The following NDST3 variants were observed in gnomAD, a reference collection of about 807,000 sequenced individuals.
NDST3 encodes bifunctional heparan sulfate N-deacetylase/N-sulfotransferase 3.
A neutral mutation model predicts 96.1 loss-of-function variants in NDST3; 58 were observed. The observed-to-expected ratio is 0.60, with a 90% CI of 0.49 to 0.75. The LOEUF is 0.75. NDST3 is among the 30% of genes least tolerant of loss of function. NDST3 has a pLI of 0.00. For missense variants in NDST3, 788 were observed against 1,034.2 expected (o/e 0.76, Z 3.27); for synonymous variants, 333 against 359.7 (o/e 0.93, Z 0.84).
At chr4:118,051,905 T>C (rs1302749212) in intron 1 of NDST3, among the ~76,000 whole-genome samples, 1 of 151,950 alleles carries the variant, frequency 6.6e-6, no homozygotes, top group Non-Finnish European at 1.5e-5. Context: ...TGAGGCTGCA[T>C]AGAAAAGGGA....
rs187977271 is a variant in NDST3, at chr4:118,108,083, T to A, written c.1069+2978T>A. Among the ~76,000 whole-genome samples, 8 of 152,296 alleles carry A rather than the reference T, an allele frequency of 5.3e-5. No homozygotes were observed. The East Asian group carries it at 1.4e-3, about 26-fold the overall frequency. ...AACTTAATGCAGGGTAACTTCCATTTATAAAACCATAAAATCTCGTGAGAC... is the reference window on the plus strand; with the variant it reads ...AACTTAATGCAGGGTAACTTCCATTAATAAAACCATAAAATCTCGTGAGAC... On this transcript the variant is annotated intron_variant, in intron 3 of 13. Coordinates refer to ENST00000296499, the MANE Select transcript of NDST3 (RefSeq NM_004784.3).
At chr4:118,151,145 C>T (rs1303437883) in intron 6 of NDST3, among the ~76,000 whole-genome samples, 2 of 152,024 alleles carry the variant, frequency 1.3e-5, no homozygotes, top group Admixed American at 6.6e-5. Context: ...GAACAAAAAA[C>T]CAAACACCGC....
At chr4:118,160,846 G>A (rs28882407) in intron 6 of NDST3, among the ~76,000 whole-genome samples, 5,429 of 151,970 alleles carry the variant, frequency 0.036, 140 homozygotes, top group African/African-American at 0.073. Context: ...TAGTTTGATC[G>A]TCTGAAGCCT....
intron 6 of NDST3, among the ~76,000 whole-genome samples, chr4:118,153,429 C>T (rs937873999): frequency 2.0e-5 from 3 of 151,982 alleles, no homozygotes; most frequent in Non-Finnish European, 4.4e-5. Context: ...GCGGAGTGGC[C>T]AGTAGCAAAA....
In NDST3 at chr4:118,258,532, A is replaced by C. The variant is rs1185523591; in HGVS notation, c.*2820A>C. The C allele has an allele frequency of 6.6e-6, 1 of 152,190 alleles. No homozygotes were observed. The highest frequency in any genetic ancestry group is 1.5e-5 in the Non-Finnish European group (1 of 68,032). The allele number at this position is 152,190 out of a possible 1,614,324, so 9.4% of individuals were successfully genotyped here. ...ATTCACATTGAATGAAAATTACTGG[A>C]AACATTTTTTTCTCTGAGTTTTTTA... On this transcript the variant is annotated 3_prime_UTR_variant, in exon 14 of 14. Coordinates refer to ENST00000296499, the MANE Select transcript of NDST3 (RefSeq NM_004784.3).
In NDST3 at chr4:118,054,828, T is replaced by C. The variant is rs369201832; in HGVS notation, c.918T>C (p.Leu306=). The C allele has an allele frequency of 1.4e-5, 22 of 1,612,894 alleles. No homozygotes were observed. The highest frequency in any genetic ancestry group is 1.9e-5 in the Non-Finnish European group (22 of 1,179,278). Residue 306 remains leucine, a synonymous_variant, in exon 2 of 14, where the codon CTT becomes CTC. Transcript: ENST00000296499. ...RLTLSLDRYI[L]VDIDDIFVGK... ...CATTGTCCTTGGACAGGTACATTCT[T>C]GTGGATATTGATGATATATTTGTGG...
chr4:118,090,925 C>T (rs1398848485), intron 2 of NDST3, among the ~76,000 whole-genome samples: 2 of 151,710 alleles, frequency 1.3e-5, no homozygotes, highest in African/African-American at 2.4e-5. Context: ...TTATATTTTA[C>T]AAATTAAACA....
intron 4 of NDST3, among the ~76,000 whole-genome samples, chr4:118,122,453 C>G (rs1398822068): frequency 2.6e-5 from 4 of 151,572 alleles, no homozygotes; most frequent in Non-Finnish European, 5.9e-5. Flanking sequence ...GTGTCTCCCA[C>G]TCCATGTTCC....
chr4:118,087,318 A>G (rs900780877), intron 2 of NDST3, among the ~76,000 whole-genome samples: 3 of 152,134 alleles, frequency 2.0e-5, no homozygotes, highest in African/African-American at 7.2e-5. Flanking sequence ...ATATCATCTC[A>G]TTTGAGTTGG....
intron 6 of NDST3, among the ~76,000 whole-genome samples, chr4:118,180,110 C>T (rs1324000818): frequency 2.6e-5 from 4 of 151,762 alleles, no homozygotes; most frequent in Admixed American, 6.6e-5. Context: ...GTTTTTTTAA[C>T]CTTTATTTTA....
chr4:118,243,484 T>C (rs1346620070), intron 12 of NDST3, among the ~76,000 whole-genome samples: 2 of 152,194 alleles, frequency 1.3e-5, no homozygotes, highest in African/African-American at 4.8e-5. Flanking sequence ...ATGAGTACTG[T>C]CAGAGTTTTG....
intron 2 of NDST3, among the ~76,000 whole-genome samples, chr4:118,080,113 C>T (rs1219280109): frequency 1.3e-5 from 2 of 151,976 alleles, no homozygotes; most frequent in African/African-American, 4.8e-5. Flanking sequence ...TATAGCAGCA[C>T]TTATTACTCA....
intron 6 of NDST3, among the ~76,000 whole-genome samples, chr4:118,188,365 T>C (rs6856076): frequency 0.15 from 22,061 of 149,634 alleles, 1,751 homozygotes; most frequent in South Asian, 0.2. Flanking sequence ...ATTTCCATGA[T>C]GAATCATGGA....
intron 2 of NDST3, among the ~76,000 whole-genome samples, chr4:118,077,626 T>C (rs1416520854): frequency 6.6e-6 from 1 of 152,196 alleles, no homozygotes; most frequent in South Asian, 2.1e-4. Flanking sequence ...GTAATATACT[T>C]GCCCAGCTGG....
At chr4:118,040,498 T>C (rs1211147354) in intron 1 of NDST3, among the ~76,000 whole-genome samples, 2 of 152,130 alleles carry the variant, frequency 1.3e-5, no homozygotes, top group East Asian at 3.9e-4. Context: ...GGTGGGCTTA[T>C]GTGCTTCCCA....
At chr4:118,045,643 A>G (rs1560605509) in intron 1 of NDST3, among the ~76,000 whole-genome samples, 1 of 152,172 alleles carries the variant, frequency 6.6e-6, no homozygotes, top group Non-Finnish European at 1.5e-5. Context: ...ATTGTTCAAA[A>G]TATTGTTCAT....
chr4:118,053,650 C>A, intron 1 of NDST3, 106 bp from the exon 2 acceptor site: 1 of 333,856 alleles, frequency 3.0e-6, no homozygotes, highest in Admixed American at 4.6e-5. Context: ...TACTATACAC[C>A]AGTTCATCTG....
At chr4:118,176,611 G>A (rs11944236) in intron 6 of NDST3, among the ~76,000 whole-genome samples, 8,754 of 152,012 alleles carry the variant, frequency 0.058, 524 homozygotes, top group African/African-American at 0.15. Flanking sequence ...TCTCCATAAT[G>A]ATATAGAGAA....
chr4:118,141,732 A>T (rs529321201), intron 5 of NDST3, among the ~76,000 whole-genome samples: 1 of 152,284 alleles, frequency 6.6e-6, no homozygotes, highest in Admixed American at 6.5e-5. Flanking sequence ...TTAACACGTG[A>T]GCATTTTATT....
Sources: gnomAD v4.1 joint callset for allele counts (sites outside exome capture counted in the v4.1 genomes callset) on GRCh38, gnomAD v4.1.1 for gene constraint, MANE v1.5 for transcripts, NCBI Gene and HGNC (gene_info 2026-07-23, HGNC 2026-07-21) for gene names.